Variants in STARD3NL observed in about 807,000 individuals in gnomAD.
STARD3NL encodes STARD3 N-terminal-like protein.
In STARD3NL, 17 loss-of-function variants were observed where a neutral mutation model predicts 30.9. The observed-to-expected ratio is 0.55, with a 90% confidence interval of 0.38 to 0.82. STARD3NL has a LOEUF of 0.82. Ranked by LOEUF, STARD3NL falls within the 40% of genes least tolerant of loss-of-function variation. The pLI is 0.00. For missense variants in STARD3NL, 234 were observed against 277.6 expected, an observed-to-expected ratio of 0.84 and a Z score of 1.12; for synonymous variants, 112 against 100.5, an observed-to-expected ratio of 1.11 and a Z score of -0.69.
intron 1 of STARD3NL, among the ~76,000 whole-genome samples, chr7:38,189,371 G>A (rs1054616756): frequency 6.6e-6 from 1 of 152,174 alleles, no homozygotes; most frequent in Non-Finnish European, 1.5e-5. Flanking sequence ...AAGTGCAGTT[G>A]AAATGTGCAT....
chr7:38,225,860 G>A (rs896083473), intron 7 of STARD3NL, among the ~76,000 whole-genome samples: 7 of 152,306 alleles, frequency 4.6e-5, no homozygotes, highest in African/African-American at 1.7e-4. Flanking sequence ...TGACACGGAT[G>A]TGTCTGCATG....
intron 4 of STARD3NL, 77 bp from the exon 5 acceptor site, chr7:38,216,948 G>A: frequency 6.4e-7 from 1 of 1,552,862 alleles, no homozygotes; most frequent in South Asian, 1.1e-5. Flanking sequence ...GGCTCAGACG[G>A]GTCTCTTGTG....
At chr7:38,202,550 T>C (rs1171381273) in intron 1 of STARD3NL, among the ~76,000 whole-genome samples, 1 of 152,176 alleles carries the variant, frequency 6.6e-6, no homozygotes, top group South Asian at 2.1e-4. Flanking sequence ...TATATTTCTT[T>C]TTTTTTAACA....
At chr7:38,217,408 T>C in intron 6 of STARD3NL, 103 bp downstream of exon 6, 1 of 1,037,404 alleles carries the variant, frequency 9.6e-7, no homozygotes. Flanking sequence ...TGGGTAGAGT[T>C]AGGCAGTGGT....
chr7:38,222,141 TCACA>T (rs3223376), intron 7 of STARD3NL, among the ~76,000 whole-genome samples: 1,513 of 144,270 alleles, frequency 0.01, 10 homozygotes, highest in Non-Finnish European at 0.013. Context: ...GTTAATATTT[TCACA>T]CACACACACA....
intron 1 of STARD3NL, among the ~76,000 whole-genome samples, chr7:38,193,372 C>A (rs1784772210): frequency 1.3e-5 from 2 of 152,024 alleles, no homozygotes. Flanking sequence ...GATCTCGGCT[C>A]ACTACAATCT....
Position 38,178,370 on chromosome 7 carries a change from C to T in STARD3NL, c.-109C>T, listed in dbSNP as rs147811966. The T allele has an allele frequency of 8.9e-3, 1,350 of 152,318 alleles. 13 individuals are homozygous for T. The highest frequency in any genetic ancestry group is 0.015 in the Non-Finnish European group (1,026 of 68,040). The allele number at this position is 152,318 out of a possible 1,614,324, so 9.4% of individuals were successfully genotyped here. On this transcript the variant is annotated 5_prime_UTR_variant, in exon 1 of 9. Coordinates refer to ENST00000009041, the MANE Select transcript of STARD3NL (RefSeq NM_032016.4). ...CTCAGGCCGGGGCGCGACCGCGGAT[C>T]CGCAGTTCCCGGGCCAGCCTGGGGC...
At chr7:38,212,807 C>T (rs1785884863) in intron 2 of STARD3NL, among the ~76,000 whole-genome samples, 1 of 152,150 alleles carries the variant, frequency 6.6e-6, no homozygotes, top group Non-Finnish European at 1.5e-5. Flanking sequence ...GCAAAGATGA[C>T]TCTAAAGTTT....
intron 7 of STARD3NL, among the ~76,000 whole-genome samples, chr7:38,226,469 A>G (rs56228793): frequency 6.6e-6 from 1 of 152,112 alleles, no homozygotes; most frequent in African/African-American, 2.4e-5. Context: ...GATTGCACTC[A>G]AATACCTGGA....
rs1562621230 is a variant in STARD3NL at position 38,217,211 on chromosome 7, C to G, written c.459C>G (p.Gly153=). Residue 153 remains glycine, a synonymous_variant, in exon 6 of 9, where the codon GGC becomes GGG. Coordinates refer to ENST00000009041, the MANE Select transcript of STARD3NL (RefSeq NM_032016.4). The part of the protein sequence containing the change: ...LSKLFSQGAF[G]YVLPIISFIL... ...AGCTTTTCTCTCAAGGGGCTTTTGG[C>G]TATGTGCTGCCCATCATTTCATTCA... 6.2e-7 allele frequency: 1 copy of G among 1,613,956 alleles called. No individual in the cohort carries two copies. Among genetic ancestry groups the G allele is most frequent in the Non-Finnish European group, 8.5e-7 (1 of 1,179,962 alleles).
At chr7:38,210,701 C>T (rs1274540763) in intron 2 of STARD3NL, among the ~76,000 whole-genome samples, 1 of 152,314 alleles carries the variant, frequency 6.6e-6, no homozygotes, top group East Asian at 1.9e-4. Flanking sequence ...CTCTCCTACA[C>T]TCTGTAGACA....
intron 2 of STARD3NL, among the ~76,000 whole-genome samples, chr7:38,212,978 G>T (rs1785895015): frequency 6.6e-6 from 1 of 152,168 alleles, no homozygotes; most frequent in African/African-American, 2.4e-5. Flanking sequence ...TTTAGATAAT[G>T]TCTGTTTAAA....
chr7:38,213,146 G>A (rs1785905996), intron 2 of STARD3NL, among the ~76,000 whole-genome samples: 3 of 152,114 alleles, frequency 2.0e-5, no homozygotes, highest in Admixed American at 6.5e-5. Flanking sequence ...GCTGTAGGCC[G>A]CTTGGAATAA....
At chr7:38,229,728 T>A (rs537572743) in intron 8 of STARD3NL, among the ~76,000 whole-genome samples, 195 bp from the exon 9 acceptor site, 76 of 152,234 alleles carry the variant, frequency 5.0e-4, no homozygotes, top group South Asian at 4.1e-4. Context: ...GAAGCAAAAA[T>A]GTGGGCATGC....
intron 1 of STARD3NL, among the ~76,000 whole-genome samples, chr7:38,200,686 C>G (rs1290956554): frequency 6.6e-6 from 1 of 152,088 alleles, no homozygotes; most frequent in Non-Finnish European, 1.5e-5. Flanking sequence ...TTACAGTCTG[C>G]TTTGTAGGAG....
intron 7 of STARD3NL, among the ~76,000 whole-genome samples, chr7:38,221,034 A>C (rs1192497822): frequency 1.3e-5 from 2 of 152,248 alleles, no homozygotes; most frequent in Non-Finnish European, 2.9e-5. Context: ...GCTAAGTGAA[A>C]TAAGCCAGAC....
chr7:38,216,909 C>T, intron 4 of STARD3NL, 116 bp from the exon 5 acceptor site: 1 of 1,241,788 alleles, frequency 8.1e-7, no homozygotes, highest in Non-Finnish European at 1.1e-6. Context: ...CCAGGCTAGG[C>T]ACAGGTTTTT....
At chr7:38,187,933 C>A (rs184195401) in intron 1 of STARD3NL, among the ~76,000 whole-genome samples, 114 of 152,282 alleles carry the variant, frequency 7.5e-4, no homozygotes, top group African/African-American at 2.6e-3. Flanking sequence ...TACCCCATGG[C>A]TAATCTGTCG....
intron 1 of STARD3NL, among the ~76,000 whole-genome samples, chr7:38,197,982 C>T (rs930402508): frequency 6.6e-6 from 1 of 152,216 alleles, no homozygotes; most frequent in Admixed American, 6.5e-5. Context: ...ACAGCCAGCT[C>T]AGGCTGCTTC....
Sources: gnomAD v4.1 joint callset for allele counts (sites outside exome capture counted in the v4.1 genomes callset) on GRCh38, gnomAD v4.1.1 for gene constraint, MANE v1.5 for transcripts, NCBI Gene and HGNC (gene_info 2026-07-23, HGNC 2026-07-21) for gene names.